Variants in KDM4C observed in about 807,000 individuals in gnomAD.
KDM4C encodes lysine-specific demethylase 4C.
In KDM4C, 81 loss-of-function variants were observed where a neutral mutation model predicts 129.3. The ratio of observed to expected loss-of-function variants is 0.63; its 90% CI spans 0.52 to 0.75. KDM4C has a LOEUF of 0.75. KDM4C is among the 30% of genes least tolerant of loss of function. KDM4C has a pLI of 0.00. For missense variants in KDM4C, 1,457 were observed against 1,304.0 expected, an observed-to-expected ratio of 1.12 and a Z score of -1.81; for synonymous variants, 573 against 456.1, an observed-to-expected ratio of 1.26 and a Z score of -3.26.
intron 4 of KDM4C, among the ~76,000 whole-genome samples, chr9:6,845,275 G>T (rs1315429435): frequency 6.6e-6 from 1 of 152,122 alleles, no homozygotes; most frequent in African/African-American, 2.4e-5. Flanking sequence ...GTGCAGTGGC[G>T]CAATCACTGG....
At chr9:6,858,974 G>A (rs1348258852) in intron 5 of KDM4C, among the ~76,000 whole-genome samples, 1 of 151,966 alleles carries the variant, frequency 6.6e-6, no homozygotes, top group Non-Finnish European at 1.5e-5. Context: ...TAGGAAAGTG[G>A]CTTTTTTCAT....
intron 1 of KDM4C, among the ~76,000 whole-genome samples, chr9:6,778,997 C>T (rs1392450179): frequency 6.8e-6 from 1 of 146,718 alleles, no homozygotes; most frequent in East Asian, 2.0e-4. Context: ...GCTGGGATTA[C>T]AGGCCTGAGC....
intron 1 of KDM4C, among the ~76,000 whole-genome samples, chr9:6,789,687 G>C (rs535755446): frequency 6.6e-6 from 1 of 151,784 alleles, no homozygotes; most frequent in Admixed American, 6.6e-5. Flanking sequence ...GCTTCTAAAG[G>C]ACTGTGTGTA....
chr9:7,144,648 G>A (rs1397061679), intron 19 of KDM4C, among the ~76,000 whole-genome samples: 2 of 152,196 alleles, frequency 1.3e-5, no homozygotes, highest in Non-Finnish European at 2.9e-5. Context: ...CCACTCATCC[G>A]CATATACATT....
At chr9:6,979,013 G>C (rs1816281410) in intron 8 of KDM4C, among the ~76,000 whole-genome samples, 1 of 152,078 alleles carries the variant, frequency 6.6e-6, no homozygotes, top group East Asian at 1.9e-4. Flanking sequence ...CTGCCCTAGG[G>C]ATGTTGCAAT....
At chr9:7,066,482 A>C (rs192553755) in intron 17 of KDM4C, among the ~76,000 whole-genome samples, 11 of 152,382 alleles carry the variant, frequency 7.2e-5, no homozygotes, top group African/African-American at 2.6e-4. Context: ...TTTACATAGT[A>C]TAGATCATTT....
intron 18 of KDM4C, among the ~76,000 whole-genome samples, chr9:7,109,195 T>C (rs1292003281): frequency 6.6e-6 from 1 of 152,220 alleles, no homozygotes; most frequent in Non-Finnish European, 1.5e-5. Context: ...ACTAAAGATA[T>C]ATTTTTGCTG....
chr9:6,867,834 C>T (rs984534717), intron 5 of KDM4C, among the ~76,000 whole-genome samples: 1 of 152,306 alleles, frequency 6.6e-6, no homozygotes, highest in East Asian at 1.9e-4. Flanking sequence ...CCCTCCCCTG[C>T]ACTTCCCCAC....
At chr9:7,018,873 A>G (rs555642143) in intron 15 of KDM4C, among the ~76,000 whole-genome samples, 1 of 152,202 alleles carries the variant, frequency 6.6e-6, no homozygotes, top group South Asian at 2.1e-4. Flanking sequence ...AGAAAATACA[A>G]TCTTGCTATT....
At chr9:6,846,251 C>G (rs1251256092) in intron 4 of KDM4C, among the ~76,000 whole-genome samples, 1 of 152,202 alleles carries the variant, frequency 6.6e-6, no homozygotes, top group Non-Finnish European at 1.5e-5. Flanking sequence ...TTAGGTTAAT[C>G]ATTACCATCT....
intron 8 of KDM4C, among the ~76,000 whole-genome samples, chr9:6,919,140 C>A (rs1425141437): frequency 1.3e-5 from 2 of 152,030 alleles, no homozygotes; most frequent in African/African-American, 4.8e-5. Context: ...TGTGAGCCAC[C>A]ACGCCCAGCC....
intron 18 of KDM4C, 121 bp from the exon 19 acceptor site, chr9:7,127,944 AT>A (rs911875307): frequency 2.9e-3 from 2,432 of 826,508 alleles, no homozygotes; most frequent in South Asian, 3.3e-3. Flanking sequence ...TAAGTTAAAA[AT>A]TTTTTTTTTA....
intron 1 of KDM4C, among the ~76,000 whole-genome samples, chr9:6,790,150 C>T (rs914294599): frequency 4.0e-5 from 6 of 148,228 alleles, no homozygotes; most frequent in East Asian, 2.2e-4. Context: ...GTGATCCGCT[C>T]GCCTTGGCCT....
intron 19 of KDM4C, among the ~76,000 whole-genome samples, chr9:7,152,688 T>C (rs11788766): frequency 0.2 from 30,953 of 152,116 alleles, 3,453 homozygotes; most frequent in Middle Eastern, 0.3. Flanking sequence ...GTTAAAATGG[T>C]AAATTTAGTG....
chr9:6,780,839 A>T (rs1718270566), intron 1 of KDM4C, among the ~76,000 whole-genome samples: 1 of 150,478 alleles, frequency 6.6e-6, no homozygotes, highest in Admixed American at 6.7e-5. Flanking sequence ...TGTAGATTTC[A>T]GCTCTCCAGA....
intron 1 of KDM4C, among the ~76,000 whole-genome samples, chr9:6,772,894 C>T (rs901614394): frequency 6.7e-5 from 10 of 149,366 alleles, no homozygotes; most frequent in African/African-American, 2.5e-4. Context: ...TGGGGTTTCA[C>T]CATGTTGGCC....
intron 3 of KDM4C, among the ~76,000 whole-genome samples, chr9:6,810,215 A>G (rs186725401): frequency 6.6e-5 from 10 of 152,178 alleles, no homozygotes; most frequent in African/African-American, 2.4e-4. Flanking sequence ...TACACATTTT[A>G]TACATATCTC....
intron 3 of KDM4C, among the ~76,000 whole-genome samples, chr9:6,806,516 A>AATAC (rs1829995324): frequency 6.6e-6 from 1 of 151,504 alleles, no homozygotes; most frequent in Non-Finnish European, 1.5e-5. Context: ...TAAATAAATA[A>AATAC]ATAAATAAAT....
intron 17 of KDM4C, among the ~76,000 whole-genome samples, chr9:7,064,805 G>A (rs1434575797): frequency 6.6e-6 from 1 of 152,104 alleles, no homozygotes; most frequent in Non-Finnish European, 1.5e-5. Flanking sequence ...GAAGGTATGT[G>A]ATGTTCAGTT....
Sources: allele counts gnomAD v4.1 joint callset (sites outside exome capture counted in the v4.1 genomes callset), GRCh38; gene constraint gnomAD v4.1.1; transcripts MANE v1.5; gene names NCBI Gene and HGNC (gene_info 2026-07-23, HGNC 2026-07-21).